Variants in RYR3 observed in about 807,000 individuals in gnomAD.
The protein encoded by RYR3 is ryanodine receptor 3.
Under a neutral mutation model 584.3 loss-of-function variants are expected in RYR3, and 207 were observed. The ratio of observed to expected loss-of-function variants is 0.35; its 90% CI spans 0.32 to 0.40. The LOEUF (loss-of-function observed/expected upper bound fraction) is 0.40. Among genes scored for constraint, RYR3 ranks in the 10% least tolerant of loss-of-function variants. The pLI is 1.00. For synonymous variants in RYR3, 2,416 were observed against 2,248.5 expected, an observed-to-expected ratio of 1.07 and a Z score of -2.11; for missense variants, 5,616 against 6,089.2, an observed-to-expected ratio of 0.92 and a Z score of 2.59.
At chr15:33,759,148 A>G (rs1357444792) in intron 60 of RYR3, among the ~76,000 whole-genome samples, 3 of 152,248 alleles carry the variant, frequency 2.0e-5, no homozygotes, top group Non-Finnish European at 2.9e-5. Context: ...AAGGTCACCA[A>G]CATCAAAGAT....
At chr15:33,731,435 T>C in intron 47 of RYR3, 39 bp from the exon 48 acceptor site, 1 of 1,474,020 alleles carries the variant, frequency 6.8e-7, no homozygotes, top group Non-Finnish European at 9.4e-7. Flanking sequence ...GCTCTGTTCC[T>C]CAGGGCAATT....
intron 1 of RYR3, among the ~76,000 whole-genome samples, chr15:33,344,700 T>G (rs942412768): frequency 9.9e-5 from 15 of 152,152 alleles, no homozygotes; most frequent in African/African-American, 3.6e-4. Flanking sequence ...ACAGAACCAT[T>G]GAGAAGACGG....
intron 19 of RYR3, among the ~76,000 whole-genome samples, chr15:33,621,340 A>T (rs1031573278): frequency 2.6e-5 from 4 of 152,218 alleles, no homozygotes; most frequent in Non-Finnish European, 5.9e-5. Context: ...ATGAGAAGAG[A>T]GAGGCAGAAA....
intron 67 of RYR3, among the ~76,000 whole-genome samples, chr15:33,795,965 G>A (rs576872674): frequency 6.6e-6 from 1 of 152,162 alleles, no homozygotes. Flanking sequence ...CTGTTGAAGG[G>A]AGTTAGGGTA....
intron 31 of RYR3, among the ~76,000 whole-genome samples, chr15:33,651,148 G>T (rs1275768935): frequency 6.6e-6 from 1 of 152,134 alleles, no homozygotes; most frequent in Admixed American, 6.5e-5. Context: ...ATACTATATG[G>T]TACACATTCA....
intron 50 of RYR3, 136 bp downstream of exon 50, chr15:33,738,726 C>T: frequency 1.1e-6 from 1 of 900,080 alleles, no homozygotes; most frequent in Non-Finnish European, 1.7e-6. Flanking sequence ...TTACGCCAAT[C>T]CTTGCCCATC....
intron 95 of RYR3, 125 bp downstream of exon 95, chr15:33,853,212 T>G: frequency 1.0e-6 from 1 of 973,868 alleles, no homozygotes; most frequent in Non-Finnish European, 1.5e-6. Context: ...TCAAGAAGAG[T>G]AAGTCACAGA....
At chr15:33,338,164 C>T (rs1027312969) in intron 1 of RYR3, among the ~76,000 whole-genome samples, 13 of 152,038 alleles carry the variant, frequency 8.6e-5, no homozygotes, top group Admixed American at 1.3e-4. Context: ...CCGGGATGAT[C>T]TCGATCTTCT....
At chr15:33,752,079 A>C (rs1176758552) in intron 57 of RYR3, among the ~76,000 whole-genome samples, 1 of 152,152 alleles carries the variant, frequency 6.6e-6, no homozygotes, top group Admixed American at 6.5e-5. Flanking sequence ...GTTCTATTCC[A>C]TCGGTCTATA....
chr15:33,768,932 A>T (rs950518459), intron 61 of RYR3, among the ~76,000 whole-genome samples, 180 bp from the exon 62 acceptor site: 4 of 146,328 alleles, frequency 2.7e-5, no homozygotes, highest in Admixed American at 2.7e-4. Context: ...TCTGACATCC[A>T]TCATAAAGCA....
Position 33,718,133 on chromosome 15 carries a change from A to G in RYR3, c.6620-4582A>G, listed in dbSNP as rs148474449. 4.6e-3 allele frequency among the ~76,000 whole-genome samples: 707 copies of G among 152,318 alleles called. 4 individuals carry two copies. Among genetic ancestry groups the G allele is most frequent in the African/African-American group, 0.016 (665 of 41,562 alleles). ...TAAATGAGTGTCAGTACATTCATTC[A>G]TGCTGAAGCCCCGTGTTCTCTCTTA... is the stretch of plus-strand genomic sequence containing the variant. On this transcript the variant is annotated intron_variant, in intron 43 of 103. Transcript: ENST00000634891.
At position 33,539,338 on chromosome 15, in the gene RYR3, G is replaced by A. The variant is rs2055609423; in HGVS notation, c.434-12G>A. On this transcript the variant is annotated splice_polypyrimidine_tract_variant and intron_variant, in intron 5 of 103. Coordinates refer to ENST00000634891, the MANE Select transcript of RYR3 (RefSeq NM_001036.6). ...TGTGAAGCAATGACTAACTCAAGGA[G>A]CCTTCATGTAGGAGAAGCCTGTTGG... is the stretch of plus-strand genomic sequence containing the variant. 4.5e-6 allele frequency: 7 copies of A among 1,545,048 alleles called. No individual in the cohort carries two copies. In the South Asian group the frequency reaches 8.2e-5, roughly 18 times the overall value.
chr15:33,524,032 G>A (rs767783832), intron 3 of RYR3, among the ~76,000 whole-genome samples: 1 of 152,134 alleles, frequency 6.6e-6, no homozygotes, highest in Non-Finnish European at 1.5e-5. Context: ...GTACCCACAA[G>A]CAACTGAAGG....
rs550824274 is a variant in RYR3 at position 33,644,482 on chromosome 15, C to T, written c.3728C>T (p.Thr1243Met). Residue 1243 changes from threonine (T) to methionine (M), a missense_variant, in exon 28 of 104, where the codon ACG (threonine) becomes ATG (methionine). Coordinates refer to ENST00000634891, the MANE Select transcript of RYR3 (RefSeq NM_001036.6). ...VAMWFSKRLPTFVNVPKDHPH... is the reference protein window; with the variant it reads ...VAMWFSKRLPMFVNVPKDHPH... ...ATGTGGTTCAGCAAGCGCCTCCCGA[C>T]GTTTGTCAACGTGCCAAAGGATCAT... 93 of 1,613,684 alleles carry T rather than the reference C, an allele frequency of 5.8e-5. No homozygotes were observed. The highest frequency in any genetic ancestry group is 2.0e-4 in the East Asian group (9 of 44,868).
intron 38 of RYR3, among the ~76,000 whole-genome samples, chr15:33,684,601 C>T (rs1310910323): frequency 6.6e-6 from 1 of 152,132 alleles, no homozygotes; most frequent in Non-Finnish European, 1.5e-5. Context: ...ATACAGAGAA[C>T]ACCACAAAGA....
chr15:33,448,188 G>A (rs1046170381), intron 1 of RYR3, among the ~76,000 whole-genome samples: 15 of 152,086 alleles, frequency 9.9e-5, no homozygotes, highest in African/African-American at 2.2e-4. Flanking sequence ...GAGGGCCTCC[G>A]GGAGGATAAG....
chr15:33,810,467 ATCATCTCCTAGTCTG>A lies in RYR3; in HGVS notation c.10027-11_10030del. The A allele has an allele frequency of 6.2e-7, 1 of 1,613,770 alleles. No individual in the cohort carries two copies. The highest frequency in any genetic ancestry group is 8.5e-7 in the Non-Finnish European group (1 of 1,179,734). On this transcript the variant is annotated splice_acceptor_variant and splice_polypyrimidine_tract_variant and coding_sequence_variant and intron_variant, in exon 71 of 104. Transcript: ENST00000634891. LOFTEE classifies it high-confidence loss of function. ...TGAACCCCTCTCTGTTTATTTCAAC[ATCATCTCCTAGTCTG>A]GAGGACAAGACCAGGAGCGGAAGAA...
intron 43 of RYR3, among the ~76,000 whole-genome samples, chr15:33,721,781 A>C (rs1345986059): frequency 2.0e-5 from 3 of 151,800 alleles, no homozygotes; most frequent in Admixed American, 2.0e-4. Context: ...TTTTTTTATT[A>C]AGTTGTTCGA....
chr15:33,594,070 A>C (rs2059261247), intron 16 of RYR3, among the ~76,000 whole-genome samples: 1 of 152,206 alleles, frequency 6.6e-6, no homozygotes, highest in South Asian at 2.1e-4. Context: ...TGGAGGGTCC[A>C]AGATAAACCT....
Sources: gnomAD v4.1 joint callset for allele counts (sites outside exome capture counted in the v4.1 genomes callset) on GRCh38, gnomAD v4.1.1 for gene constraint, MANE v1.5 for transcripts, NCBI Gene and HGNC (gene_info 2026-07-23, HGNC 2026-07-21) for gene names.